The following KATNIP variants were observed in gnomAD, a reference collection of about 807,000 sequenced individuals.
The protein encoded by KATNIP is katanin-interacting protein.
A neutral mutation model predicts 174.0 loss-of-function variants in KATNIP; 126 were observed. The ratio of observed to expected loss-of-function variants is 0.72; its 90% CI spans 0.63 to 0.84. KATNIP has a LOEUF of 0.84. KATNIP is among the 40% of genes least tolerant of loss of function. The pLI is 0.00. For missense variants in KATNIP, 1,958 were observed against 2,109.7 expected (o/e 0.93, Z 1.41); for synonymous variants, 810 against 835.7 (o/e 0.97, Z 0.53).
chr16:27,621,454 A>G (rs781358388), intron 3 of KATNIP, among the ~76,000 whole-genome samples: 7 of 152,120 alleles, frequency 4.6e-5, no homozygotes, highest in Non-Finnish European at 7.3e-5. Context: ...GACAGCCAGG[A>G]AAAGCCCCTA....
intron 12 of KATNIP, 85 bp downstream of exon 12, chr16:27,704,083 C>A: frequency 9.3e-7 from 1 of 1,075,996 alleles, no homozygotes; most frequent in Non-Finnish European, 1.4e-6. Flanking sequence ...ATTGCTCTGA[C>A]AGTGGTTAAA....
At chr16:27,716,620 A>T (rs879842982) in intron 13 of KATNIP, among the ~76,000 whole-genome samples, 1 of 152,138 alleles carries the variant, frequency 6.6e-6, no homozygotes. Context: ...TTGTGTGTAC[A>T]TGTATATATT....
chr16:27,662,746 T>C (rs1472889735), intron 6 of KATNIP, among the ~76,000 whole-genome samples: 2 of 152,234 alleles, frequency 1.3e-5, no homozygotes, highest in African/African-American at 4.8e-5. Context: ...TTAGAATAAC[T>C]TTAATATCTT....
At chr16:27,642,807 C>G (rs1040676622) in intron 5 of KATNIP, among the ~76,000 whole-genome samples, 4 of 149,002 alleles carry the variant, frequency 2.7e-5, no homozygotes, top group Admixed American at 6.7e-5. Context: ...AAGGTCTCAC[C>G]GTGTTGCCTA....
chr16:27,578,562 G>A (rs527582596), intron 2 of KATNIP, among the ~76,000 whole-genome samples: 1 of 152,026 alleles, frequency 6.6e-6, no homozygotes, highest in Non-Finnish European at 1.5e-5. Context: ...CTGAACGGAG[G>A]CATTGGAAAG....
intron 2 of KATNIP, among the ~76,000 whole-genome samples, chr16:27,574,590 A>C (rs866001894): frequency 9.5e-6 from 1 of 105,158 alleles, no homozygotes; most frequent in South Asian, 3.4e-4. Flanking sequence ...TTTTGAGTCG[A>C]GTCACTCTCT....
rs1402909012 is a variant in KATNIP at position 27,690,347 on chromosome 16, T to TAGATAGAG, written c.941-7974_941-7973insGAGATAGA. On this transcript the variant is annotated intron_variant, in intron 8 of 27. Transcript: ENST00000261588. ...ATAGATAGATAGATAGATAGATAGA[T>TAGATAGAG]AGATAGATAGATAGATGATAGATAG... Among the ~76,000 whole-genome samples the TAGATAGAG allele has an allele frequency of 6.4e-4, 82 of 127,612 alleles. 1 individual carries two copies. In the South Asian group the frequency reaches 0.018, roughly 28 times the overall value. The allele number at this position is 127,612 out of a possible 152,430, so 83.7% of individuals were successfully genotyped here. A position where few individuals can be genotyped will look rare whatever the true frequency, so the allele number is the denominator to read the frequency against.
chr16:27,595,338 G>C (rs931126756), intron 2 of KATNIP, among the ~76,000 whole-genome samples: 4 of 152,192 alleles, frequency 2.6e-5, no homozygotes, highest in African/African-American at 4.8e-5. Context: ...AGTGAGCTGA[G>C]ATCACGCCTG....
At chr16:27,624,984 T>C (rs947660893) in intron 3 of KATNIP, among the ~76,000 whole-genome samples, 6 of 152,078 alleles carry the variant, frequency 3.9e-5, no homozygotes, top group African/African-American at 1.4e-4. Context: ...TTGGAAAAAG[T>C]TGAACCGGCA....
chr16:27,708,929 A>T lies in KATNIP; in HGVS notation c.1605+9A>T. 1 of 1,603,410 alleles carries T rather than the reference A, an allele frequency of 6.2e-7. No homozygotes were observed. Among genetic ancestry groups the T allele is most frequent in the Non-Finnish European group, 8.5e-7 (1 of 1,172,228 alleles). ...TCAACAGGAACTTAGCTGTGAGTGG[A>T]AGGGGCACTGGATTGCTTCTTGGCT... On this transcript the variant is annotated intron_variant, in intron 13 of 27. Coordinates refer to ENST00000261588, the MANE Select transcript of KATNIP (RefSeq NM_015202.5).
At chr16:27,561,503 C>A (rs2089882710) in intron 1 of KATNIP, among the ~76,000 whole-genome samples, 1 of 152,168 alleles carries the variant, frequency 6.6e-6, no homozygotes, top group Admixed American at 6.5e-5. Flanking sequence ...GCTCCCACTT[C>A]ACTTCAGAGC....
intron 2 of KATNIP, among the ~76,000 whole-genome samples, chr16:27,577,081 C>T (rs1384040749): frequency 6.6e-6 from 1 of 152,052 alleles, no homozygotes; most frequent in South Asian, 2.1e-4. Context: ...CAAATTCAGC[C>T]CAAAGATATG....
chr16:27,612,786 T>G (rs1368656273), intron 2 of KATNIP, among the ~76,000 whole-genome samples: 1 of 151,288 alleles, frequency 6.6e-6, no homozygotes, highest in Non-Finnish European at 1.5e-5. Flanking sequence ...AAATGCAGAC[T>G]TGGGCACTTG....
At chr16:27,646,813 G>A in intron 5 of KATNIP, among the ~76,000 whole-genome samples, 1 of 152,174 alleles carries the variant, frequency 6.6e-6, no homozygotes, top group East Asian at 1.9e-4. Context: ...TTAGATGGGA[G>A]CACTCGCCCT....
At chr16:27,722,301 C>T (rs1400192425) in intron 14 of KATNIP, 1 of 152,214 alleles carries the variant, frequency 6.6e-6, no homozygotes, top group Non-Finnish European at 1.5e-5. Context: ...TAGTCAAGTA[C>T]AGTAATGAGA....
intron 23 of KATNIP, among the ~76,000 whole-genome samples, chr16:27,774,235 C>T (rs1436505083): frequency 1.3e-5 from 2 of 152,162 alleles, no homozygotes; most frequent in East Asian, 3.9e-4. Context: ...CACCACCCTC[C>T]TCAGCTGGGA....
intron 13 of KATNIP, among the ~76,000 whole-genome samples, chr16:27,714,139 T>C (rs557057428): frequency 1.3e-5 from 2 of 152,080 alleles, no homozygotes; most frequent in South Asian, 4.2e-4. Flanking sequence ...TCAGCCCTAA[T>C]GTCACTTTCT....
At chr16:27,758,843 G>A (rs1329257464) in intron 18 of KATNIP, among the ~76,000 whole-genome samples, 1 of 152,048 alleles carries the variant, frequency 6.6e-6, no homozygotes, top group Non-Finnish European at 1.5e-5. Flanking sequence ...CATCACTCTT[G>A]GAACTGTTGC....
intron 18 of KATNIP, among the ~76,000 whole-genome samples, chr16:27,758,748 T>C (rs1177945841): frequency 6.6e-6 from 1 of 152,194 alleles, no homozygotes; most frequent in Non-Finnish European, 1.5e-5. Context: ...AGCTCAAATG[T>C]CACCTCCTCA....
Sources: allele counts gnomAD v4.1 joint callset (sites outside exome capture counted in the v4.1 genomes callset), GRCh38; gene constraint gnomAD v4.1.1; transcripts MANE v1.5; gene names NCBI Gene and HGNC (gene_info 2026-07-23, HGNC 2026-07-21).